CCDC90B: variants seen among roughly 807,000 people sequenced by gnomAD.
CCDC90B encodes coiled-coil domain-containing protein 90B, mitochondrial.
In CCDC90B, 24 loss-of-function variants were observed where a neutral mutation model predicts 37.0. The observed-to-expected ratio is 0.65, with a 90% CI of 0.47 to 0.91. The LOEUF is 0.91. Among genes scored for constraint, CCDC90B ranks in the 40% least tolerant of loss-of-function variants. The pLI, the probability that CCDC90B is intolerant of heterozygous loss-of-function variation, is 0.00. For missense variants in CCDC90B, 319 were observed against 299.0 expected (o/e 1.07, Z -0.49); for synonymous variants, 113 against 101.1 (o/e 1.12, Z -0.71).
intron 8 of CCDC90B, among the ~76,000 whole-genome samples, chr11:83,263,101 A>C (rs557848230): frequency 5.1e-4 from 78 of 152,252 alleles, no homozygotes; most frequent in African/African-American, 1.8e-3. Context: ...TTTTCTCTTA[A>C]TAAAAAAACA....
At chr11:83,285,716 G>C in intron 1 of CCDC90B, 157 bp downstream of exon 1, 2 of 1,438,986 alleles carry the variant, frequency 1.4e-6, no homozygotes, top group Non-Finnish European at 1.8e-6. Flanking sequence ...AGCTGGGCAA[G>C]TCGGGGCAGC....
chr11:83,263,152 T>A (rs191542080), intron 8 of CCDC90B, among the ~76,000 whole-genome samples: 16 of 152,288 alleles, frequency 1.1e-4, no homozygotes, highest in African/African-American at 3.9e-4. Context: ...ACTGTGACAC[T>A]TGAAAGACTC....
Position 83,278,849 on chromosome 11 carries a change from A to T in CCDC90B, c.221-20T>A. ...CAAATCCTGTAGGCAGCAAATAGGT[A>T]TTTTATTTTTTTTAAAGTGTATATC... On this transcript the variant is annotated intron_variant, in intron 2 of 8. Coordinates refer to ENST00000529689, the MANE Select transcript of CCDC90B (RefSeq NM_021825.5). 6.6e-7 allele frequency: 1 copy of T among 1,511,168 alleles called. No individual in the cohort carries two copies. The highest frequency in any genetic ancestry group is 9.2e-7 in the Non-Finnish European group (1 of 1,087,474). The allele number at this position is 1,511,168 out of a possible 1,614,324, so 93.6% of individuals were successfully genotyped here.
At chr11:83,270,391 T>C (rs1864582015) in intron 7 of CCDC90B, among the ~76,000 whole-genome samples, 1 of 152,202 alleles carries the variant, frequency 6.6e-6, no homozygotes, top group East Asian at 1.9e-4. Context: ...TGATTGTATA[T>C]GTAGAAAACC....
At position 83,285,872 on chromosome 11, in the gene CCDC90B, C is replaced by T; in HGVS notation, c.100+1G>A. ...ATCTATGACACGACGCCTTGCCTCACCTCTCCGCAGGGCCGGCGAGAAATG... is the reference window on the plus strand; with the variant it reads ...ATCTATGACACGACGCCTTGCCTCATCTCTCCGCAGGGCCGGCGAGAAATG... On this transcript the variant is annotated splice_donor_variant, in intron 1 of 8. Coordinates refer to ENST00000529689, the MANE Select transcript of CCDC90B (RefSeq NM_021825.5). LOFTEE classifies it high-confidence loss of function. 1 of 1,611,354 alleles carries T rather than the reference C, an allele frequency of 6.2e-7. No homozygotes were observed.
In CCDC90B at chr11:83,277,926, C is replaced by G. The variant is rs567617687; in HGVS notation, c.324+800G>C. Among the ~76,000 whole-genome samples the G allele has an allele frequency of 2.3e-4, 35 of 151,950 alleles. No individual in the cohort carries two copies. In the East Asian group the frequency reaches 6.4e-3, roughly 28 times the overall value. ...TAAAATACTTATCTGAGGAAGGAAG[C>G]CTAAATTTGAAAAATTAAAATGAAA... On this transcript the variant is annotated intron_variant, in intron 3 of 8. Coordinates refer to ENST00000529689, the MANE Select transcript of CCDC90B (RefSeq NM_021825.5).
chr11:83,265,632 C>T lies in CCDC90B; in HGVS notation c.709+233G>A, dbSNP rs184733349. On this transcript the variant is annotated intron_variant, in intron 8 of 8. Transcript: ENST00000529689. The stretch of plus-strand genomic sequence containing the variant: ...CCCTATATGTTCCTTCCTTTGGCTG[C>T]GTCTAATTTGTAATCTGCTATAATA... Among the ~76,000 whole-genome samples, 115 of 152,128 alleles carry T rather than the reference C, an allele frequency of 7.6e-4. 1 individual carries two copies. Among genetic ancestry groups the T allele is most frequent in the Admixed American group, 5.9e-3 (90 of 15,280 alleles).
intron 1 of CCDC90B, 143 bp downstream of exon 1, chr11:83,285,730 C>T (rs997460307): frequency 2.1e-6 from 3 of 1,445,168 alleles, no homozygotes; most frequent in South Asian, 1.5e-5. Context: ...GGGCAGCAGG[C>T]AGCGGCGTCG....
At chr11:83,266,440 C>G (rs552973142) in intron 7 of CCDC90B, among the ~76,000 whole-genome samples, 1 of 152,242 alleles carries the variant, frequency 6.6e-6, no homozygotes, top group Admixed American at 6.5e-5. Context: ...AACTGGCAGA[C>G]AAGGAGATTC....
At chr11:83,276,414 C>G (rs1865030918) in intron 3 of CCDC90B, among the ~76,000 whole-genome samples, 1 of 152,178 alleles carries the variant, frequency 6.6e-6, no homozygotes, top group Non-Finnish European at 1.5e-5. Flanking sequence ...GTGGCGCAAT[C>G]TTGTCTCACT....
rs550152755 is a variant in CCDC90B, at chr11:83,262,251, TTAAA to T, written c.710-289_710-286del. Among the ~76,000 whole-genome samples the T allele has an allele frequency of 4.6e-5, 7 of 152,256 alleles. No individual in the cohort carries two copies. In the East Asian group the frequency reaches 1.3e-3, roughly 29 times the overall value. On this transcript the variant is annotated intron_variant, in intron 8 of 8. Coordinates refer to ENST00000529689, the MANE Select transcript of CCDC90B (RefSeq NM_021825.5). ...ATTAACGCTAGCATTATTGACTACTTTAAATAATTATAAGCTCTAATTTCAGATC... is the reference window on the plus strand; with the variant it reads ...ATTAACGCTAGCATTATTGACTACTTTAATTATAAGCTCTAATTTCAGATC...
chr11:83,264,028 G>C (rs1864091961), intron 8 of CCDC90B, among the ~76,000 whole-genome samples: 1 of 151,964 alleles, frequency 6.6e-6, no homozygotes, highest in Non-Finnish European at 1.5e-5. Flanking sequence ...ATATCTTTTT[G>C]ACCCCAAATT....
intron 8 of CCDC90B, 70 bp downstream of exon 8, chr11:83,265,795 T>G: frequency 1.1e-6 from 1 of 945,240 alleles, no homozygotes; most frequent in East Asian, 2.4e-5. Context: ...CTGTGCCTGC[T>G]CAGTTACCTT....
At position 83,286,140 on chromosome 11, in the gene CCDC90B, C is replaced by T; in HGVS notation, c.-168G>A. 6.5e-7 allele frequency: 1 copy of T among 1,536,238 alleles called. No homozygotes were observed. Among genetic ancestry groups the T allele is most frequent in the Non-Finnish European group, 8.7e-7 (1 of 1,146,922 alleles). On this transcript the variant is annotated 5_prime_UTR_variant, in exon 1 of 9. Coordinates refer to ENST00000529689, the MANE Select transcript of CCDC90B (RefSeq NM_021825.5). Reference sequence around the variant, plus strand: ...CCACCGTGGTCCCACGAAACTGGGTCTCTTCACAGACAGACCCACAGTTCG... The same window carrying T: ...CCACCGTGGTCCCACGAAACTGGGTTTCTTCACAGACAGACCCACAGTTCG...
At chr11:83,269,642 C>A (rs912589622) in intron 7 of CCDC90B, among the ~76,000 whole-genome samples, 1 of 152,076 alleles carries the variant, frequency 6.6e-6, no homozygotes, top group Non-Finnish European at 1.5e-5. Context: ...CAATAACAGG[C>A]TCTGAAATTG....
At chr11:83,266,839 A>T (rs145056923) in intron 7 of CCDC90B, 1 of 152,384 alleles carries the variant, frequency 6.6e-6, no homozygotes, top group African/African-American at 2.4e-5. Context: ...TAACTGGGAG[A>T]CATCTTCCAG....
chr11:83,276,089 T>C (rs549848149), intron 3 of CCDC90B, among the ~76,000 whole-genome samples: 27 of 152,294 alleles, frequency 1.8e-4, no homozygotes, highest in African/African-American at 6.3e-4. Context: ...TGCTGACTCA[T>C]GCCTTTTCTA....
At chr11:83,280,939 C>T (rs1205005936) in intron 1 of CCDC90B, among the ~76,000 whole-genome samples, 1 of 152,148 alleles carries the variant, frequency 6.6e-6, no homozygotes, top group Non-Finnish European at 1.5e-5. Context: ...ACATAAGAAC[C>T]CTAAGAAAAA....
intron 2 of CCDC90B, 23 bp downstream of exon 2, chr11:83,280,118 C>T (rs1565219172): frequency 1.2e-6 from 2 of 1,604,490 alleles, no homozygotes; most frequent in Non-Finnish European, 8.5e-7. Flanking sequence ...TTTCTTCTTT[C>T]AGGAGGTATC....
Sources: gnomAD v4.1 joint callset for allele counts (sites outside exome capture counted in the v4.1 genomes callset) on GRCh38, gnomAD v4.1.1 for gene constraint, MANE v1.5 for transcripts, NCBI Gene and HGNC (gene_info 2026-07-23, HGNC 2026-07-21) for gene names.